Variants in SLC16A6 observed in about 807,000 individuals in gnomAD.
SLC16A6 encodes solute carrier family 16 member 6.
Under a neutral mutation model 33.8 loss-of-function variants are expected in SLC16A6, and 15 were observed. The ratio of observed to expected loss-of-function variants is 0.44; its 90% CI spans 0.30 to 0.68. SLC16A6 has a LOEUF of 0.68. Ranked by LOEUF, SLC16A6 falls within the 30% of genes least tolerant of loss-of-function variation. The pLI is 0.10. For missense variants in SLC16A6, 451 were observed against 661.5 expected (o/e 0.68, Z 3.49); for synonymous variants, 219 against 248.4 (o/e 0.88, Z 1.11).
intron 1 of SLC16A6, among the ~76,000 whole-genome samples, chr17:68,280,933 T>C (rs2075674683): frequency 6.6e-6 from 1 of 152,126 alleles, no homozygotes; most frequent in African/African-American, 2.4e-5. Flanking sequence ...GAGACCAGCC[T>C]GGGCAACATG....
rs781967745 is a variant in SLC16A6, at chr17:68,270,802, A to G, written c.1321+37T>C. 9.9e-6 allele frequency: 15 copies of G among 1,516,070 alleles called. No individual in the cohort carries two copies. In the South Asian group the frequency reaches 1.2e-4, roughly 12 times the overall value. 93.9% of individuals were successfully genotyped at this position (1,516,070 alleles called of 1,614,324 possible). ...GAAGCTAGCACAATTCACAAGGGAA[A>G]GTAGACAAGTGTTTGTATTTTGTGT... On this transcript the variant is annotated intron_variant, in intron 5 of 5. Transcript: ENST00000580666.
intron 1 of SLC16A6, among the ~76,000 whole-genome samples, chr17:68,278,923 T>C (rs984806532): frequency 6.6e-6 from 1 of 152,034 alleles, no homozygotes; most frequent in Non-Finnish European, 1.5e-5. Flanking sequence ...CCCAGCTGAT[T>C]GTTGAATATT....
chr17:68,270,810 A>G (rs1555748234), intron 5 of SLC16A6, 29 bp downstream of exon 5: 2 of 1,539,552 alleles, frequency 1.3e-6, no homozygotes, highest in Non-Finnish European at 1.8e-6. Context: ...AAAGTAGACA[A>G]GTGTTTGTAT....
Position 68,272,653 on chromosome 17 carries a change from AAC to A in SLC16A6, c.489_490del (p.Phe164CysfsTer63), listed in dbSNP as rs1555749366. On this transcript the variant is annotated frameshift_variant, in exon 4 of 6. Transcript: ENST00000580666. LOFTEE classifies it high-confidence loss of function. ...AGTCCACCTACCTGGTGCGAAAGCA[AAC>A]ACAGCGAAACATTCTCCTGTGGAAG... 1.9e-6 allele frequency: 3 copies of A among 1,614,092 alleles called. No homozygotes were observed. Among genetic ancestry groups the A allele is most frequent in the South Asian group, 1.1e-5 (1 of 91,080 alleles).
Position 68,268,801 on chromosome 17 carries a change from A to G in SLC16A6, c.*295T>C, listed in dbSNP as rs1555747321. The G allele has an allele frequency of 8.3e-6, 3 of 362,154 alleles. No individual in the cohort carries two copies. Among genetic ancestry groups the G allele is most frequent in the Non-Finnish European group, 1.5e-5 (3 of 205,904 alleles). 22.4% of individuals were successfully genotyped at this position (362,154 alleles called of 1,614,324 possible). On this transcript the variant is annotated 3_prime_UTR_variant, in exon 6 of 6. Coordinates refer to ENST00000580666, the MANE Select transcript of SLC16A6 (RefSeq NM_004694.5). Reference sequence around the variant, plus strand: ...CTATTTTAATATCGGAATGTGAACCAAAGAGTCTTTCTACATATCTCTTGT... The same window carrying G: ...CTATTTTAATATCGGAATGTGAACCGAAGAGTCTTTCTACATATCTCTTGT...
intron 1 of SLC16A6, among the ~76,000 whole-genome samples, chr17:68,288,572 A>G (rs2075896290): frequency 6.6e-6 from 1 of 152,182 alleles, no homozygotes; most frequent in South Asian, 2.1e-4. Context: ...AATTTAGGCA[A>G]ATCACTTCAC....
At chr17:68,290,470 C>T (rs1228009144) in intron 1 of SLC16A6, among the ~76,000 whole-genome samples, 2 of 152,210 alleles carry the variant, frequency 1.3e-5, no homozygotes, top group Non-Finnish European at 2.9e-5. Context: ...TGCGCGGGAC[C>T]GGCCGTCAGC....
rs2075928969 is a variant in SLC16A6, at chr17:68,289,862, T to C, written c.-8+1224A>G. ...ATTACACTGGAAGGAGCTTTTCCACTTGGCTGCATTGTTTATTTACACACT... is the reference window on the plus strand; with the variant it reads ...ATTACACTGGAAGGAGCTTTTCCACCTGGCTGCATTGTTTATTTACACACT... On this transcript the variant is annotated intron_variant, in intron 1 of 5. Transcript: ENST00000580666. Among the ~76,000 whole-genome samples the C allele has an allele frequency of 2.6e-5, 4 of 152,166 alleles. 1 individual carries two copies. The South Asian group carries it at 8.3e-4, about 32-fold the overall frequency.
chr17:68,279,233 G>A (rs2075619064), intron 1 of SLC16A6, among the ~76,000 whole-genome samples: 1 of 152,018 alleles, frequency 6.6e-6, no homozygotes, highest in Admixed American at 6.6e-5. Context: ...CATTGGCGGT[G>A]CATCCAGCAC....
rs544147710 is a variant in SLC16A6 at position 68,269,612 on chromosome 17, T to C, written c.1322-266A>G. 1.3e-4 allele frequency among the ~76,000 whole-genome samples: 19 copies of C among 147,764 alleles called. No homozygotes were observed. In the East Asian group the frequency reaches 3.6e-3, roughly 28 times the overall value. On this transcript the variant is annotated intron_variant, in intron 5 of 5. Coordinates refer to ENST00000580666, the MANE Select transcript of SLC16A6 (RefSeq NM_004694.5). The stretch of plus-strand genomic sequence containing the variant: ...TGGGACATTTCGATGCATACTTCTT[T>C]GAAAAGGTAATATTCTTCGGTAGGA...
At chr17:68,272,546 TCATC>T (rs1302176840) in intron 4 of SLC16A6, 89 bp downstream of exon 4, 2 of 1,420,434 alleles carry the variant, frequency 1.4e-6, no homozygotes, top group East Asian at 4.6e-5. Context: ...ACACTGAAAG[TCATC>T]CATACTGTTG....
chr17:68,287,077 G>A (rs376645826), intron 1 of SLC16A6, among the ~76,000 whole-genome samples: 6 of 151,982 alleles, frequency 3.9e-5, no homozygotes, highest in Admixed American at 2.6e-4. Flanking sequence ...TCCACCTCCC[G>A]GGTTCAAGTG....
At chr17:68,291,359 G>T (rs1368342987), upstream of SLC16A6, 1 of 143,790 alleles carries the variant, frequency 7.0e-6, no homozygotes, top group Non-Finnish European at 1.5e-5. Context: ...CCCGCGCCCC[G>T]GCCCCGCGTC....
chr17:68,275,287 A>AT (rs145174040), intron 2 of SLC16A6, among the ~76,000 whole-genome samples: 2,349 of 152,312 alleles, frequency 0.015, 59 homozygotes, highest in African/African-American at 0.054. Context: ...TAAGTGAGCC[A>AT]TTGAGAGTTG....
In SLC16A6 at chr17:68,269,009, G is replaced by T; in HGVS notation, c.*87C>A. 3.2e-6 allele frequency: 5 copies of T among 1,575,462 alleles called. No individual in the cohort carries two copies. The highest frequency in any genetic ancestry group is 4.3e-6 in the Non-Finnish European group (5 of 1,161,778). On this transcript the variant is annotated 3_prime_UTR_variant, in exon 6 of 6. Coordinates refer to ENST00000580666, the MANE Select transcript of SLC16A6 (RefSeq NM_004694.5). ...GTAGTTTTGAAAGTGGAGTAGAGGG[G>T]TTAGCTCCTCTGCCTCCTTGTGTCC...
chr17:68,289,524 C>T (rs1301133443), intron 1 of SLC16A6, among the ~76,000 whole-genome samples: 1 of 152,198 alleles, frequency 6.6e-6, no homozygotes, highest in Non-Finnish European at 1.5e-5. Flanking sequence ...CGAGCAAAAG[C>T]ACTGCGGATT....
chr17:68,270,240 T>C (rs1555748011), intron 5 of SLC16A6, among the ~76,000 whole-genome samples: 1 of 152,068 alleles, frequency 6.6e-6, no homozygotes. Flanking sequence ...TTGCCTAGCA[T>C]GAGAGAAGGC....
At chr17:68,274,123 C>G in intron 2 of SLC16A6, 53 bp from the exon 3 acceptor site, 1 of 1,584,714 alleles carries the variant, frequency 6.3e-7, no homozygotes, top group Non-Finnish European at 8.6e-7. Flanking sequence ...TCAGGGTTAG[C>G]TGCCATAAGA....
In SLC16A6 at chr17:68,267,714, A is replaced by G. The variant is rs1258227558; in HGVS notation, c.*1382T>C. 6.6e-6 allele frequency: 1 copy of G among 151,830 alleles called. No individual in the cohort carries two copies. The highest frequency in any genetic ancestry group is 1.5e-5 in the Non-Finnish European group (1 of 68,014). 9.4% of individuals were successfully genotyped at this position (151,830 alleles called of 1,614,324 possible). On this transcript the variant is annotated 3_prime_UTR_variant, in exon 6 of 6. Transcript: ENST00000580666. ...CTTGCCCTCCTTACAGAAAACTGCT[A>G]ACGTGAGCAATACTATACATGTAGT...
Sources: allele counts gnomAD v4.1 joint callset (sites outside exome capture counted in the v4.1 genomes callset), GRCh38; gene constraint gnomAD v4.1.1; transcripts MANE v1.5; gene names NCBI Gene and HGNC (gene_info 2026-07-23, HGNC 2026-07-21).